Variants in ATP11C observed in about 807,000 individuals in gnomAD.
ATP11C encodes ATPase phospholipid transporting 11C (ATP11C blood group).
In ATP11C, 36 loss-of-function variants were observed where a neutral mutation model predicts 97.4. The ratio of observed to expected loss-of-function variants is 0.37; its 90% CI spans 0.28 to 0.49. The LOEUF (loss-of-function observed/expected upper bound fraction) is 0.49. Among genes scored for constraint, ATP11C ranks in the 20% least tolerant of loss-of-function variants. The pLI is 0.98. For synonymous variants in ATP11C, 275 were observed against 290.9 expected (o/e 0.95, Z 0.56); for missense variants, 730 against 824.6 (o/e 0.89, Z 1.40).
intron 1 of ATP11C, among the ~76,000 whole-genome samples, chrX:139,844,071 G>A (rs764515523): frequency 2.7e-5 from 3 of 111,562 alleles, no homozygotes; most frequent in Non-Finnish European, 1.9e-5. Flanking sequence ...CAGTCTTTGC[G>A]AAACAGAAAC....
chrX:139,804,093 G>GA (rs1241877613), intron 6 of ATP11C, among the ~76,000 whole-genome samples: 3 of 111,016 alleles, frequency 2.7e-5, no homozygotes, highest in African/African-American at 9.8e-5. Context: ...ATACATTTTA[G>GA]AAAAAAATAG....
At chrX:139,813,855 G>A (rs2147834187) in intron 5 of ATP11C, among the ~76,000 whole-genome samples, 1 of 111,463 alleles carries the variant, frequency 9.0e-6, no homozygotes, top group South Asian at 3.8e-4. Flanking sequence ...ATATACAAAT[G>A]TAGGCTATGT....
At chrX:139,777,084 G>C (rs1033025937) in intron 18 of ATP11C, among the ~76,000 whole-genome samples, 3 of 111,654 alleles carry the variant, frequency 2.7e-5, no homozygotes, top group Non-Finnish European at 5.6e-5. Context: ...TCCCTCAGAT[G>C]AGAAGGAATC....
rs758926630 is a variant in ATP11C at position 139,766,267 on chromosome X, G to A, written c.2391+1993C>T. On this transcript the variant is annotated intron_variant, in intron 20 of 29. Coordinates refer to ENST00000682941, the MANE Select transcript of ATP11C (RefSeq NM_001353812.2). ...AAACAGAATGAGGACTAAACCACAA[G>A]TGGTGGCATAATTAAGGTGGAAGAA... 6.3e-5 allele frequency among the ~76,000 whole-genome samples: 7 copies of A among 111,934 alleles called. No homozygotes were observed. In the East Asian group the frequency reaches 2.0e-3, roughly 32 times the overall value.
chrX:139,867,298 T>C (rs894384741), intron 1 of ATP11C, among the ~76,000 whole-genome samples: 13 of 110,092 alleles, frequency 1.2e-4, no homozygotes, highest in Non-Finnish European at 2.3e-4. Context: ...ATCTATAGTA[T>C]GGTAGACAGC....
intron 1 of ATP11C, among the ~76,000 whole-genome samples, chrX:139,869,973 T>C (rs1228272496): frequency 1.9e-5 from 2 of 107,841 alleles, no homozygotes; most frequent in African/African-American, 6.7e-5. Flanking sequence ...CATTGTGACA[T>C]GAATGAACCT....
At chrX:139,786,429 C>T (rs756445887) in intron 15 of ATP11C, among the ~76,000 whole-genome samples, 2 of 110,647 alleles carry the variant, frequency 1.8e-5, no homozygotes, top group South Asian at 7.9e-4. Flanking sequence ...CTGACAATGA[C>T]CCTGGGTCCC....
intron 18 of ATP11C, among the ~76,000 whole-genome samples, chrX:139,781,091 C>CA (rs988042412): frequency 9.0e-6 from 1 of 110,645 alleles, no homozygotes; most frequent in Non-Finnish European, 1.9e-5. Flanking sequence ...ACCCACCCTC[C>CA]AAAAAAAGAG....
chrX:139,793,573 T>C (rs1337749435), intron 12 of ATP11C, among the ~76,000 whole-genome samples: 3 of 111,729 alleles, frequency 2.7e-5, no homozygotes, highest in Non-Finnish European at 5.6e-5. Flanking sequence ...ATGGAACACT[T>C]GGACTCCATC....
intron 3 of ATP11C, among the ~76,000 whole-genome samples, chrX:139,818,774 G>A (rs1412487743): frequency 8.9e-6 from 1 of 112,041 alleles, no homozygotes; most frequent in Non-Finnish European, 1.9e-5. Context: ...GGTAATTATG[G>A]CGAGGAAAAG....
In ATP11C at chrX:139,757,797, G is replaced by A; in HGVS notation, c.2700+11C>T. On this transcript the variant is annotated intron_variant, in intron 23 of 29. Coordinates refer to ENST00000682941, the MANE Select transcript of ATP11C (RefSeq NM_001353812.2). ...TAAACTATATTATAACGAATAACTT[G>A]AGAAACAAACCTGTTGTGAGAATCC... 1 of 1,154,116 alleles carries A rather than the reference G, an allele frequency of 8.7e-7. No individual in the cohort carries two copies. Among genetic ancestry groups the A allele is most frequent in the Non-Finnish European group, 1.2e-6 (1 of 857,022 alleles).
intron 15 of ATP11C, 128 bp from the exon 16 acceptor site, chrX:139,785,427 C>CT (rs2148723684): frequency 4.4e-6 from 2 of 456,253 alleles, no homozygotes; most frequent in East Asian, 7.6e-5. Context: ...ACAACTGGTA[C>CT]TTTCCTTTGT....
At chrX:139,868,350 T>C (rs1480196004) in intron 1 of ATP11C, among the ~76,000 whole-genome samples, 3 of 110,723 alleles carry the variant, frequency 2.7e-5, no homozygotes, top group African/African-American at 6.6e-5. Context: ...ACAGAACGAA[T>C]AGGCAACCTA....
At chrX:139,780,953 GA>G (rs951551293) in intron 18 of ATP11C, among the ~76,000 whole-genome samples, 4 of 111,133 alleles carry the variant, frequency 3.6e-5, no homozygotes, top group Admixed American at 9.6e-5. Context: ...AGTGAGGGTT[GA>G]AAAACCACCC....
intron 26 of ATP11C, among the ~76,000 whole-genome samples, chrX:139,742,649 A>G (rs770007314): frequency 9.1e-5 from 10 of 109,549 alleles, no homozygotes; most frequent in African/African-American, 3.3e-4. Flanking sequence ...GCTTTCAACT[A>G]TAAGAGATTC....
At chrX:139,797,455 T>C in intron 10 of ATP11C, 129 bp from the exon 11 acceptor site, 1 of 431,685 alleles carries the variant, frequency 2.3e-6, no homozygotes. Flanking sequence ...TGTATTAACC[T>C]CAGTTATCAT....
intron 1 of ATP11C, among the ~76,000 whole-genome samples, chrX:139,919,902 G>C (rs2085227653): frequency 8.9e-6 from 1 of 112,096 alleles, no homozygotes; most frequent in South Asian, 3.7e-4. Context: ...CTGGGCAACA[G>C]AGTGAGACTC....
In ATP11C at chrX:139,870,209, A is replaced by G. The variant is rs186715350; in HGVS notation, c.28-43386T>C. 4.8e-4 allele frequency among the ~76,000 whole-genome samples: 54 copies of G among 112,170 alleles called. No individual in the cohort carries two copies. In the East Asian group the frequency reaches 0.014, roughly 29 times the overall value. On this transcript the variant is annotated intron_variant, in intron 1 of 29. Coordinates refer to ENST00000682941, the MANE Select transcript of ATP11C (RefSeq NM_001353812.2). Reference sequence around the variant, plus strand: ...TTAAATATGTGCAGTTTTATCAATTATAATTCAATAAAGCTGCTTTAAAAA... The same window carrying G: ...TTAAATATGTGCAGTTTTATCAATTGTAATTCAATAAAGCTGCTTTAAAAA...
intron 1 of ATP11C, among the ~76,000 whole-genome samples, chrX:139,881,451 C>T (rs1329249305): frequency 9.0e-6 from 1 of 110,536 alleles, no homozygotes; most frequent in African/African-American, 3.3e-5. Context: ...CCTACCACTG[C>T]AACATGTGGC....
Sources: allele counts gnomAD v4.1 joint callset (sites outside exome capture counted in the v4.1 genomes callset), GRCh38; gene constraint gnomAD v4.1.1; transcripts MANE v1.5; gene names NCBI Gene and HGNC (gene_info 2026-07-23, HGNC 2026-07-21).